Variants in POU2F1 observed in about 807,000 individuals in gnomAD.
The protein encoded by POU2F1 is POU domain, class 2, transcription factor 1.
POU2F1 carries 16 observed loss-of-function variants against 84.9 expected under a neutral mutation model. The ratio of observed to expected loss-of-function variants is 0.19; its 90% confidence interval spans 0.13 to 0.29. The LOEUF is 0.29. Among genes scored for constraint, POU2F1 ranks in the 10% least tolerant of loss-of-function variants. POU2F1 has a pLI of 1.00. For synonymous variants in POU2F1, 368 were observed against 368.3 expected (o/e 1.00, Z 0.01); for missense variants, 738 against 942.6 (o/e 0.78, Z 2.84).
intron 1 of POU2F1, among the ~76,000 whole-genome samples, chr1:167,249,062 A>G (rs551058880): frequency 2.6e-4 from 39 of 152,294 alleles, no homozygotes; most frequent in African/African-American, 8.9e-4. Context: ...GGGGTGAGAA[A>G]ACCTTTTCAA....
rs748212243 is a variant in POU2F1 at position 167,374,189 on chromosome 1, C to G, written c.484C>G (p.Gln162Glu). Residue 162 changes from glutamine (Q) to glutamate (E), a missense_variant, in exon 6 of 16, where the codon CAG becomes GAG. Around this residue, in one of 4 missense-constraint regions of POU2F1, gnomAD observed 163 missense variants for 214.4 expected, o/e 0.76. Coordinates refer to ENST00000367866, the MANE Select transcript of POU2F1 (RefSeq NM_002697.4). ...ACAGCTGCTGGCTGCTGCAGTGCAG[C>G]AGCACTCCGCCAGCCAGCAGCACAG... ...QAQLLAAAVQ[Q>E]HSASQQHSAA... is the part of the protein sequence containing the mutation. The G allele has an allele frequency of 1.2e-6, 2 of 1,613,588 alleles. No homozygotes were observed. Among genetic ancestry groups the G allele is most frequent in the East Asian group, 4.5e-5 (2 of 44,868 alleles).
chr1:167,352,023 G>C (rs1410314121), intron 2 of POU2F1, among the ~76,000 whole-genome samples: 2 of 152,190 alleles, frequency 1.3e-5, no homozygotes, highest in African/African-American at 4.8e-5. Context: ...GCAGAAGTGT[G>C]TCTCTTTTAA....
At chr1:167,396,906 T>G (rs1450461277) in intron 10 of POU2F1, 1 of 153,492 alleles carries the variant, frequency 6.5e-6, no homozygotes, top group African/African-American at 2.4e-5. Context: ...TGAGAGTTCC[T>G]TTTGGAAGAT....
At chr1:167,390,842 A>G (rs913653485) in intron 9 of POU2F1, among the ~76,000 whole-genome samples, 1 of 152,172 alleles carries the variant, frequency 6.6e-6, no homozygotes, top group African/African-American at 2.4e-5. Flanking sequence ...TTTGGAAGAG[A>G]GAGGGTGATG....
At chr1:167,331,689 T>C (rs887889828) in intron 1 of POU2F1, among the ~76,000 whole-genome samples, 5 of 152,062 alleles carry the variant, frequency 3.3e-5, no homozygotes, top group African/African-American at 1.2e-4. Flanking sequence ...ATACCTAATA[T>C]TGCTTGATGA....
intron 9 of POU2F1, among the ~76,000 whole-genome samples, chr1:167,391,187 G>T (rs1461049624): frequency 6.6e-6 from 1 of 152,048 alleles, no homozygotes; most frequent in South Asian, 2.1e-4. Context: ...CAACCCTCCC[G>T]CCTTGGCCTC....
chr1:167,369,818 G>A (rs1477897278), intron 3 of POU2F1, among the ~76,000 whole-genome samples: 1 of 152,150 alleles, frequency 6.6e-6, no homozygotes, highest in Non-Finnish European at 1.5e-5. Context: ...ACACAATGTG[G>A]AAGGTTAATT....
intron 2 of POU2F1, among the ~76,000 whole-genome samples, chr1:167,354,662 T>C (rs1341788323): frequency 6.6e-6 from 1 of 152,184 alleles, no homozygotes; most frequent in Non-Finnish European, 1.5e-5. Context: ...AGAGCATTTG[T>C]ACTGGTTTAT....
At chr1:167,413,152 C>T (rs376720339) in intron 15 of POU2F1, 38 bp downstream of exon 15, 18 of 1,464,192 alleles carry the variant, frequency 1.2e-5, no homozygotes, top group African/African-American at 1.2e-4. Context: ...GTGGCATGCA[C>T]GTGTGTGTGA....
Position 167,415,492 on chromosome 1 carries a change from G to C in POU2F1, c.1991-8G>C, listed in dbSNP as rs926823579. ...TTCCTGCCTGTTTTGGGGGGTTTTT[G>C]TCTGTAGCTCTTGCTTCTGGTGGCT... On this transcript the variant is annotated splice_region_variant and splice_polypyrimidine_tract_variant and intron_variant, in intron 15 of 15. Coordinates refer to ENST00000367866, the MANE Select transcript of POU2F1 (RefSeq NM_002697.4). The C allele has an allele frequency of 6.2e-7, 1 of 1,612,638 alleles. No homozygotes were observed. Among genetic ancestry groups the C allele is most frequent in the Non-Finnish European group, 8.5e-7 (1 of 1,179,192 alleles).
intron 1 of POU2F1, among the ~76,000 whole-genome samples, chr1:167,286,028 G>C (rs922972033): frequency 6.6e-6 from 1 of 152,056 alleles, no homozygotes; most frequent in Non-Finnish European, 1.5e-5. Context: ...AATAATGAAA[G>C]GTATGGCTGG....
chr1:167,304,736 T>C (rs1323142304), intron 1 of POU2F1, among the ~76,000 whole-genome samples: 8 of 152,228 alleles, frequency 5.3e-5, no homozygotes, highest in African/African-American at 1.9e-4. Context: ...TCGTAAACTA[T>C]GTTGAAGTTC....
At chr1:167,399,537 C>T (rs1649044740) in intron 12 of POU2F1, among the ~76,000 whole-genome samples, 172 bp downstream of exon 12, 1 of 152,176 alleles carries the variant, frequency 6.6e-6, no homozygotes, top group African/African-American at 2.4e-5. Context: ...CTCATTCTCT[C>T]TTTCCTTGTC....
intron 1 of POU2F1, among the ~76,000 whole-genome samples, chr1:167,276,515 G>A (rs1421767814): frequency 1.3e-5 from 2 of 152,024 alleles, no homozygotes; most frequent in African/African-American, 2.4e-5. Flanking sequence ...TTCAGTTGGG[G>A]GTCTTGGAAT....
chr1:167,281,097 G>A (rs1038950281), intron 1 of POU2F1, among the ~76,000 whole-genome samples: 6 of 152,164 alleles, frequency 3.9e-5, no homozygotes, highest in Admixed American at 1.3e-4. Flanking sequence ...GTCTTCATTT[G>A]TGACTGGTTT....
Position 167,416,319 on chromosome 1 carries a change from T to G in POU2F1, c.*509T>G, listed in dbSNP as rs973213235. On this transcript the variant is annotated 3_prime_UTR_variant, in exon 16 of 16. Coordinates refer to ENST00000367866, the MANE Select transcript of POU2F1 (RefSeq NM_002697.4). ...TCATAACAAGGTGTTTATAATCGTA[T>G]CAATTGTGTTGGGGGTTCCTTTCTT... The G allele has an allele frequency of 5.4e-5, 13 of 238,608 alleles. No homozygotes were observed. The highest frequency in any genetic ancestry group is 9.9e-5 in the Non-Finnish European group (12 of 121,336). The allele number at this position is 238,608 out of a possible 1,614,324, so 14.8% of individuals were successfully genotyped here. A position where few individuals can be genotyped will look rare whatever the true frequency, so the allele number is the denominator to read the frequency against.
chr1:167,251,639 A>G (rs2102405245), intron 1 of POU2F1, among the ~76,000 whole-genome samples: 1 of 152,192 alleles, frequency 6.6e-6, no homozygotes, highest in Middle Eastern at 3.4e-3. Flanking sequence ...TTTCCATTAA[A>G]GGGCTCATAC....
At chr1:167,252,696 C>T (rs1440290747) in intron 1 of POU2F1, among the ~76,000 whole-genome samples, 1 of 152,160 alleles carries the variant, frequency 6.6e-6, no homozygotes, top group Non-Finnish European at 1.5e-5. Flanking sequence ...AAAGAATGTT[C>T]ATAACTGTCC....
In POU2F1 at chr1:167,322,533, G is replaced by A. The variant is rs183775601; in HGVS notation, c.62-9937G>A. Among the ~76,000 whole-genome samples, 109 of 152,332 alleles carry A rather than the reference G, an allele frequency of 7.2e-4. 2 individuals are homozygous for A. The East Asian group carries it at 0.016, about 22-fold the overall frequency. ...AGCATAAATCTACTGCAGCACTACC[G>A]GCTGTGGCGGGGGACAGGCATTGTA... On this transcript the variant is annotated intron_variant, in intron 1 of 15. Transcript: ENST00000367866.
Sources: gnomAD v4.1 joint callset for allele counts (sites outside exome capture counted in the v4.1 genomes callset) on GRCh38, gnomAD v4.1.1 for gene constraint, gnomAD v4.1.1 regional missense constraint, MANE v1.5 for transcripts, NCBI Gene and HGNC (gene_info 2026-07-23, HGNC 2026-07-21) for gene names.